The following NLRP1 variants were observed in gnomAD, a reference collection of about 807,000 sequenced individuals.
NLRP1 encodes the protein NACHT, LRR and PYD domains-containing protein 1.
NLRP1 carries 94 observed loss-of-function variants against 136.7 expected under a neutral mutation model. The observed-to-expected ratio is 0.69, with a 90% CI of 0.58 to 0.82. The LOEUF (loss-of-function observed/expected upper bound fraction) is 0.82. NLRP1 is among the 40% of genes least tolerant of loss of function. The pLI is 0.00. For missense variants in NLRP1, 1,575 were observed against 1,802.7 expected (o/e 0.87, Z 2.29); for synonymous variants, 690 against 725.1 (o/e 0.95, Z 0.78).
chr17:5,559,253 G>A lies in NLRP1; in HGVS notation c.1443C>T (p.Phe481=). The change falls in exon 4 of 17, where the codon TTC becomes TTT. Residue 481 remains phenylalanine, a synonymous_variant. Transcript: ENST00000572272. ...AATATTCCTTCCTGCTGGACTCAGA[G>A]AACCCCAGGACCTCTACCCAACGTG... is the stretch of plus-strand genomic sequence containing the variant. ...EQARWVEVLG[F]SESSRKEYFY... 3.1e-6 allele frequency: 5 copies of A among 1,614,150 alleles called. No homozygotes were observed. The highest frequency in any genetic ancestry group is 4.2e-6 in the Non-Finnish European group (5 of 1,180,006).
chr17:5,501,422 T>A (rs1034782149), exon 16 of NLRP1: 3 of 169,174 alleles, frequency 1.8e-5, no homozygotes, highest in African/African-American at 7.2e-5. Flanking sequence ...TTAATCTTAA[T>A]GCGTGAAAAA....
intron 15 of NLRP1, among the ~76,000 whole-genome samples, chr17:5,506,751 A>AAG (rs1278743783): frequency 2.6e-5 from 4 of 151,316 alleles, no homozygotes; most frequent in African/African-American, 9.7e-5. Flanking sequence ...AAAAAAAAAA[A>AAG]ATTAGCTGGG....
chr17:5,519,848 C>CTTTTT (rs755028729), intron 14 of NLRP1, among the ~76,000 whole-genome samples: 8 of 90,264 alleles, frequency 8.9e-5, no homozygotes, highest in Non-Finnish European at 1.5e-4. Flanking sequence ...TAAATCAGGT[C>CTTTTT]TTTTTTTTTT....
In NLRP1 at chr17:5,583,020, A is replaced by T. The variant is rs1005612129; in HGVS notation, c.272-174T>A. 1.3e-5 allele frequency among the ~76,000 whole-genome samples: 2 copies of T among 152,136 alleles called. No homozygotes were observed. Among genetic ancestry groups the T allele is most frequent in the Admixed American group, 6.5e-5 (1 of 15,286 alleles). On this transcript the variant is annotated intron_variant, in intron 1 of 16. Coordinates refer to ENST00000572272, the MANE Select transcript of NLRP1 (RefSeq NM_033004.4). This position sits in a 1 kb window ranked among gnomAD's most constrained non-coding sequence, Gnocchi z 4.5. ...TGTCTGAAGAATGATGTTCTTATAG[A>T]TACTGCTAGGCAAAAAATCCTCATC...
Position 5,558,321 on chromosome 17 carries a change from G to T in NLRP1, c.2357+18C>A. Reference sequence around the variant, plus strand: ...GACTGACAGAGGAGCTGCAGACATGGGTGGTTTGGGTACTCACAGGACTAC... The same window carrying T: ...GACTGACAGAGGAGCTGCAGACATGTGTGGTTTGGGTACTCACAGGACTAC... On this transcript the variant is annotated intron_variant, in intron 4 of 16. Transcript: ENST00000572272. 6.3e-7 allele frequency: 1 copy of T among 1,577,004 alleles called. No individual in the cohort carries two copies. Among genetic ancestry groups the T allele is most frequent in the Non-Finnish European group, 8.6e-7 (1 of 1,161,520 alleles).
In NLRP1 at chr17:5,558,593, C is replaced by T; in HGVS notation, c.2103G>A (p.Met701Ile). Residue 701 changes from methionine (M) to isoleucine (I), a missense_variant, in exon 4 of 17, where the codon ATG becomes ATA. Met to Ile is a conservative substitution (Grantham distance 10). Transcript: ENST00000572272. ...GCAGCTGCAGGGACGGGACCCACTG[C>T]ATCAGGTTCCTCCCCTGAGACAGCC... ...HCRLSQGRNL[M>I]QWVPSLQLLL... is the part of the protein sequence containing the mutation. 1 of 1,614,134 alleles carries T rather than the reference C, an allele frequency of 6.2e-7. No individual in the cohort carries two copies. The highest frequency in any genetic ancestry group is 8.5e-7 in the Non-Finnish European group (1 of 1,180,022).
intron 12 of NLRP1, among the ~76,000 whole-genome samples, chr17:5,524,180 G>A (rs868598821): frequency 2.0e-5 from 3 of 152,274 alleles, no homozygotes; most frequent in Admixed American, 1.3e-4. Context: ...CCCAGACCGC[G>A]CCTGGCCACA....
At chr17:5,551,334 T>A (rs943975244) in intron 5 of NLRP1, among the ~76,000 whole-genome samples, 6 of 152,212 alleles carry the variant, frequency 3.9e-5, no homozygotes, top group African/African-American at 1.4e-4. Flanking sequence ...ATTTAAAGTT[T>A]CTCCATATCT....
chr17:5,521,662 CA>C lies in NLRP1; in HGVS notation c.3644del (p.Leu1215TrpfsTer5). On this transcript the variant is annotated frameshift_variant, in exon 13 of 17. Transcript: ENST00000572272. LOFTEE classifies it high-confidence loss of function. The part of the protein sequence containing the change: ...IVLENPSFSP[L>X]GVLLKMIHNA... The stretch of plus-strand genomic sequence containing the variant: ...TATGGATCATTTTCAGGAGGACTCC[CA>C]AGGGGGAGAAGCTGGGGTTTTCCAG... 2 of 1,613,952 alleles carry C rather than the reference CA, an allele frequency of 1.2e-6. No individual in the cohort carries two copies. The highest frequency in any genetic ancestry group is 1.7e-6 in the Non-Finnish European group (2 of 1,180,008).
At chr17:5,558,227 T>C in intron 4 of NLRP1, 112 bp downstream of exon 4, 2 of 1,196,092 alleles carry the variant, frequency 1.7e-6, no homozygotes, top group Non-Finnish European at 2.4e-6. Context: ...ACCCTGATCC[T>C]TTAGCCACCC....
At chr17:5,508,821 A>G (rs551994399) in intron 15 of NLRP1, among the ~76,000 whole-genome samples, 1 of 152,188 alleles carries the variant, frequency 6.6e-6, no homozygotes, top group Non-Finnish European at 1.5e-5. Context: ...GAAAGACTGG[A>G]ATGGAAAGAG....
chr17:5,583,557 A>AG lies in NLRP1; in HGVS notation c.271+129dup. The AG allele has an allele frequency of 1.0e-6, 1 of 959,830 alleles. No homozygotes were observed. The highest frequency in any genetic ancestry group is 1.5e-6 in the Non-Finnish European group (1 of 661,186). The allele number at this position is 959,830 out of a possible 1,614,324, so 59.5% of individuals were successfully genotyped here. Reference sequence around the variant, plus strand: ...TCTGGGGCCTGGATCCCCCTTTGAGAGGGCAGTTCCATGTCACTGCTCAGA... The same window carrying AG: ...TCTGGGGCCTGGATCCCCCTTTGAGAGGGGCAGTTCCATGTCACTGCTCAGA... On this transcript the variant is annotated intron_variant, in intron 1 of 16. Transcript: ENST00000572272. This position sits in a 1 kb window ranked among gnomAD's most constrained non-coding sequence, Gnocchi z 4.5.
intron 5 of NLRP1, among the ~76,000 whole-genome samples, chr17:5,544,206 C>T (rs949601713): frequency 2.0e-5 from 3 of 152,176 alleles, no homozygotes; most frequent in African/African-American, 7.2e-5. Flanking sequence ...TATTGCCACG[C>T]TTTATCTCTG....
Position 5,558,881 on chromosome 17 carries a change from C to T in NLRP1, c.1815G>A (p.Leu605=). ...GLDGAIISTF[L]KMGILQEHPI... is the part of the protein sequence containing the mutation. ...GGTGCTCTTGAAGAATACCCATCTT[C>T]AAGAAGGTGGAGATGATGGCCCCAT... The change falls in exon 4 of 17, where the codon TTG becomes TTA. Residue 605 remains leucine, a synonymous_variant. Transcript: ENST00000572272. 1 of 1,614,166 alleles carries T rather than the reference C, an allele frequency of 6.2e-7. No individual in the cohort carries two copies. The highest frequency in any genetic ancestry group is 8.5e-7 in the Non-Finnish European group (1 of 1,180,014).
intron 11 of NLRP1, among the ~76,000 whole-genome samples, chr17:5,532,108 G>A (rs1227038466): frequency 2.0e-5 from 3 of 152,142 alleles, no homozygotes; most frequent in African/African-American, 2.4e-5. Context: ...TTTTTCACAC[G>A]TGGTGGCATG....
At chr17:5,571,457 T>C (rs1904343145) in intron 3 of NLRP1, among the ~76,000 whole-genome samples, 1 of 152,104 alleles carries the variant, frequency 6.6e-6, no homozygotes, top group Non-Finnish European at 1.5e-5. Flanking sequence ...AAGTATTATG[T>C]AACATTGTGC....
At position 5,559,254 on chromosome 17, in the gene NLRP1, A is replaced by T. The variant is rs146314527; in HGVS notation, c.1442T>A (p.Phe481Tyr). The T allele has an allele frequency of 8.1e-6, 13 of 1,614,020 alleles. No individual in the cohort carries two copies. The highest frequency in any genetic ancestry group is 4.0e-5 in the African/African-American group (3 of 74,908). ...ATATTCCTTCCTGCTGGACTCAGAG[A>T]ACCCCAGGACCTCTACCCAACGTGC... is the stretch of plus-strand genomic sequence containing the variant. ...EQARWVEVLG[F>Y]SESSRKEYFY... The change falls in exon 4 of 17, where the codon TTC (phenylalanine) becomes TAC (tyrosine). Residue 481 changes from phenylalanine to tyrosine, a missense_variant. Coordinates refer to ENST00000572272, the MANE Select transcript of NLRP1 (RefSeq NM_033004.4).
In NLRP1 at chr17:5,501,737, C is replaced by T; in HGVS notation, c.*77G>A. The T allele has an allele frequency of 2.5e-6, 3 of 1,182,454 alleles. No homozygotes were observed. In the South Asian group the frequency reaches 3.7e-5, roughly 14 times the overall value. 73.2% of individuals were successfully genotyped at this position (1,182,454 alleles called of 1,614,324 possible). A position where few individuals can be genotyped will look rare whatever the true frequency, so the allele number is the denominator to read the frequency against. ...ACCTAAGCCCATTTCTCAGACCCAC[C>T]TGCGGTCTACTCAGGCCTCCTTGTC... On this transcript the variant is annotated 3_prime_UTR_variant, in exon 16 of 16. Coordinates refer to the NLRP1 transcript ENST00000262467.
intron 3 of NLRP1, among the ~76,000 whole-genome samples, chr17:5,579,039 C>T (rs1265515519): frequency 1.2e-4 from 18 of 152,046 alleles, no homozygotes; most frequent in Admixed American, 1.2e-3. Context: ...CATGTTCTCA[C>T]TCATAGGTGG....
Sources: allele counts gnomAD v4.1 joint callset (sites outside exome capture counted in the v4.1 genomes callset), GRCh38; gene constraint gnomAD v4.1.1; non-coding constraint Gnocchi (gnomAD v3.1); transcripts MANE v1.5; gene names NCBI Gene and HGNC (gene_info 2026-07-23, HGNC 2026-07-21).